Variants in SGSM1 observed in about 807,000 individuals in gnomAD.
SGSM1 encodes small G protein signaling modulator 1.
SGSM1 carries 73 observed loss-of-function variants against 133.8 expected under a neutral mutation model. The observed-to-expected ratio is 0.55, with a 90% CI of 0.45 to 0.66. The LOEUF is 0.66. Among genes scored for constraint, SGSM1 ranks in the 30% least tolerant of loss-of-function variants. The pLI is 0.00. For synonymous variants in SGSM1, 563 were observed against 573.0 expected, an observed-to-expected ratio of 0.98 and a Z score of 0.25; for missense variants, 1,213 against 1,448.1, an observed-to-expected ratio of 0.84 and a Z score of 2.64.
At chr22:24,837,819 G>A (rs62231148) in intron 2 of SGSM1, among the ~76,000 whole-genome samples, 20,754 of 152,100 alleles carry the variant, frequency 0.14, 1,659 homozygotes, top group East Asian at 0.28. Flanking sequence ...GTTTTTCCTA[G>A]GCTATGATTA....
intron 21 of SGSM1, among the ~76,000 whole-genome samples, chr22:24,907,644 G>T (rs973752507): frequency 6.6e-6 from 1 of 151,900 alleles, no homozygotes; most frequent in Non-Finnish European, 1.5e-5. Context: ...GGATATGTTG[G>T]CCGGGCGCAG....
chr22:24,819,173 C>T (rs1182122501), intron 2 of SGSM1, among the ~76,000 whole-genome samples: 1 of 151,894 alleles, frequency 6.6e-6, no homozygotes, highest in Non-Finnish European at 1.5e-5. Flanking sequence ...AATCACAACC[C>T]CAGTAATAAT....
chr22:24,917,173 C>T (rs948517189), intron 22 of SGSM1, among the ~76,000 whole-genome samples: 7 of 151,436 alleles, frequency 4.6e-5, no homozygotes, highest in African/African-American at 1.7e-4. Context: ...GCCACCACAC[C>T]TGACCAACAG....
chr22:24,909,819 C>T lies in SGSM1; in HGVS notation c.2819-2824C>T, dbSNP rs116969735. Among the ~76,000 whole-genome samples, 613 of 152,188 alleles carry T rather than the reference C, an allele frequency of 4.0e-3. 1 individual carries two copies. Among genetic ancestry groups the T allele is most frequent in the Middle Eastern group, 0.014 (4 of 294 alleles). The stretch of plus-strand genomic sequence containing the variant: ...TAGTAATAAACATAGAGTTATCATA[C>T]GACCCAGCAATTTCATCCGTAGATA... On this transcript the variant is annotated intron_variant, in intron 21 of 24. Transcript: ENST00000400358.
Position 24,901,815 on chromosome 22 carries a change from T to A in SGSM1, c.2611-18T>A. On this transcript the variant is annotated intron_variant, in intron 19 of 24. Transcript: ENST00000400358. ...TTTTTCATTTCTTCCCCCTACCCCCTGCCCCGATGGCCTATAGCCAGAGCT... is the reference window on the plus strand; with the variant it reads ...TTTTTCATTTCTTCCCCCTACCCCCAGCCCCGATGGCCTATAGCCAGAGCT... The A allele has an allele frequency of 6.2e-7, 1 of 1,611,466 alleles. No homozygotes were observed. The highest frequency in any genetic ancestry group is 8.5e-7 in the Non-Finnish European group (1 of 1,178,902).
chr22:24,917,681 G>A lies in SGSM1; in HGVS notation c.2952G>A (p.Glu984=). Reference sequence around the variant, plus strand: ...AGATCCTGGACTCAGAGCTGTTTGAGCTGATGCATCAGAACGGGGACTATA... The same window carrying A: ...AGATCCTGGACTCAGAGCTGTTTGAACTGATGCATCAGAACGGGGACTATA... ...LIQILDSELF[E]LMHQNGDYTH... is the part of the protein sequence containing the mutation. Residue 984 remains glutamate, a synonymous_variant, in exon 23 of 25, where the codon GAG becomes GAA. Transcript: ENST00000400358. 6.2e-7 allele frequency: 1 copy of A among 1,613,900 alleles called. No individual in the cohort carries two copies. The highest frequency in any genetic ancestry group is 2.2e-5 in the East Asian group (1 of 44,876).
At chr22:24,808,878 C>G (rs1021540281) in intron 2 of SGSM1, among the ~76,000 whole-genome samples, 3 of 152,154 alleles carry the variant, frequency 2.0e-5, no homozygotes, top group Admixed American at 1.3e-4. Context: ...GGACTTACCC[C>G]CCAGGTCTTT....
intron 9 of SGSM1, 77 bp downstream of exon 9, chr22:24,859,917 G>C: frequency 6.3e-7 from 1 of 1,584,184 alleles, no homozygotes; most frequent in Non-Finnish European, 8.6e-7. Context: ...CCCCGGGGGA[G>C]GGGAGGTTTG....
chr22:24,825,792 C>G (rs1272658223), intron 2 of SGSM1, among the ~76,000 whole-genome samples: 4 of 152,198 alleles, frequency 2.6e-5, no homozygotes, highest in African/African-American at 9.6e-5. Context: ...ACCATCCCCT[C>G]CACTGCCAGT....
At chr22:24,827,337 C>G (rs1210887116) in intron 2 of SGSM1, among the ~76,000 whole-genome samples, 1 of 151,838 alleles carries the variant, frequency 6.6e-6, no homozygotes, top group Non-Finnish European at 1.5e-5. Context: ...TGCCCTGAGT[C>G]CCTCCTGAGA....
At position 24,907,933 on chromosome 22, in the gene SGSM1, A is replaced by G. The variant is rs11914102; in HGVS notation, c.2818+2746A>G. ...TCTCAAAAAAAAAAAAAAAAAAAAA[A>G]AAGATGTTGCAGGACTCACAGTACC... On this transcript the variant is annotated intron_variant, in intron 21 of 24. Coordinates refer to ENST00000400358, the MANE Select transcript of SGSM1 (RefSeq NM_001098497.3). Among the ~76,000 whole-genome samples, 345 of 109,944 alleles carry G rather than the reference A, an allele frequency of 3.1e-3. 2 individuals are homozygous for G. The highest frequency in any genetic ancestry group is 3.9e-3 in the Non-Finnish European group (236 of 60,332). 72.1% of individuals were successfully genotyped at this position (109,944 alleles called of 152,430 possible).
chr22:24,863,771 C>T (rs1275504375), intron 9 of SGSM1, among the ~76,000 whole-genome samples: 2 of 144,054 alleles, frequency 1.4e-5, no homozygotes, highest in Non-Finnish European at 3.0e-5. Context: ...GATGGAGTTT[C>T]GCTCTTGTGG....
chr22:24,896,497 A>C (rs1932917246), intron 18 of SGSM1, among the ~76,000 whole-genome samples: 1 of 152,216 alleles, frequency 6.6e-6, no homozygotes, highest in South Asian at 2.1e-4. Flanking sequence ...GAGTCACAAA[A>C]AAATCTCTAA....
chr22:24,870,990 C>T (rs1931739332), intron 12 of SGSM1, among the ~76,000 whole-genome samples: 1 of 152,210 alleles, frequency 6.6e-6, no homozygotes, highest in Non-Finnish European at 1.5e-5. Flanking sequence ...TACTTGGATC[C>T]TTGTCTGCCC....
intron 17 of SGSM1, 120 bp from the exon 18 acceptor site, chr22:24,895,103 C>G (rs1322937486): frequency 1.1e-6 from 1 of 943,488 alleles, no homozygotes; most frequent in African/African-American, 1.6e-5. Flanking sequence ...TGAGAGAGGA[C>G]TTGTGCAAGT....
intron 2 of SGSM1, among the ~76,000 whole-genome samples, chr22:24,833,062 G>T (rs1480548604): frequency 6.6e-6 from 1 of 150,444 alleles, no homozygotes; most frequent in Non-Finnish European, 1.5e-5. Context: ...AGCCTCCCGA[G>T]TAGCTGGGAT....
intron 24 of SGSM1, among the ~76,000 whole-genome samples, chr22:24,921,979 G>A (rs1359804441): frequency 6.6e-6 from 1 of 152,028 alleles, no homozygotes; most frequent in South Asian, 2.1e-4. Flanking sequence ...GGGATTACAG[G>A]TGTGAACCAC....
At chr22:24,889,497 T>C (rs1932767142) in intron 16 of SGSM1, among the ~76,000 whole-genome samples, 1 of 149,756 alleles carries the variant, frequency 6.7e-6, no homozygotes, top group African/African-American at 2.5e-5. Flanking sequence ...GCAACCTCCG[T>C]CTCCCAGGCT....
chr22:24,840,898 C>T (rs776724191), intron 2 of SGSM1, among the ~76,000 whole-genome samples: 2 of 151,836 alleles, frequency 1.3e-5, no homozygotes, highest in African/African-American at 2.4e-5. Flanking sequence ...TCACCCAGGC[C>T]GGACTGCAGT....
Sources: allele counts gnomAD v4.1 joint callset (sites outside exome capture counted in the v4.1 genomes callset), GRCh38; gene constraint gnomAD v4.1.1; transcripts MANE v1.5; gene names NCBI Gene and HGNC (gene_info 2026-07-23, HGNC 2026-07-21).